The following LRP4 variants were observed in gnomAD, a reference collection of about 807,000 sequenced individuals.
LRP4 encodes low-density lipoprotein receptor-related protein 4.
Under a neutral mutation model 220.3 loss-of-function variants are expected in LRP4, and 95 were observed. The ratio of observed to expected loss-of-function variants is 0.43; its 90% CI spans 0.37 to 0.51. The LOEUF is 0.51. Ranked by LOEUF, LRP4 falls within the 20% of genes least tolerant of loss-of-function variation. LRP4 has a pLI of 0.00. For synonymous variants in LRP4, 903 were observed against 954.6 expected (o/e 0.95, Z 1.00); for missense variants, 1,925 against 2,567.0 (o/e 0.75, Z 5.40).
rs774700154 is a variant in LRP4, at chr11:46,899,011, G to C, written c.569C>G (p.Pro190Arg). The C allele has an allele frequency of 1.2e-6, 2 of 1,613,168 alleles. No individual in the cohort carries two copies. The highest frequency in any genetic ancestry group is 1.7e-6 in the Non-Finnish European group (2 of 1,179,726). Reference sequence around the variant, plus strand: ...ACACTGGAACTCCTCCAGGTTGCAGGGGGGCGCTGGCACTGCTGAGGCTGG... The same window carrying C: ...ACACTGGAACTCCTCCAGGTTGCAGCGGGGCGCTGGCACTGCTGAGGCTGG... Reference protein sequence around the residue: ...ENCPSAVPAPPCNLEEFQCAY... With the variant: ...ENCPSAVPAPRCNLEEFQCAY... Residue 190 changes from proline (P) to arginine (R), a missense_variant, in exon 6 of 38, where the codon CCC (proline) becomes CGC (arginine). Pro to Arg is a moderately radical substitution (Grantham distance 103). This residue lies in a region of LRP4 where 412 missense variants were observed against 505.4 expected (regional missense o/e 0.82). Transcript: ENST00000378623. This position sits in a 1 kb window ranked among gnomAD's most constrained non-coding sequence, Gnocchi z 5.9.
chr11:46,894,947 G>A, intron 11 of LRP4, 128 bp from the exon 12 acceptor site: 4 of 1,029,804 alleles, frequency 3.9e-6, no homozygotes, highest in Middle Eastern at 2.6e-4. Flanking sequence ...GTCAGCATCA[G>A]TACCAGAAGA....
In LRP4 at chr11:46,899,056, AG is replaced by A. The variant is rs1399581460; in HGVS notation, c.548-25del. On this transcript the variant is annotated intron_variant, in intron 5 of 37. Coordinates refer to ENST00000378623, the MANE Select transcript of LRP4 (RefSeq NM_002334.4). The surrounding 1 kb of genome is among the most constrained non-coding windows in gnomAD (Gnocchi z 5.9). Reference sequence around the variant, plus strand: ...GGCTGGAGGGAAGGCAGGGGTGGGGAGGGGCACACACTCAGGCCTGGATGAA... The same window carrying A: ...GGCTGGAGGGAAGGCAGGGGTGGGGAGGGCACACACTCAGGCCTGGATGAA... 1.2e-6 allele frequency: 2 copies of A among 1,605,286 alleles called. No homozygotes were observed. The highest frequency in any genetic ancestry group is 4.5e-5 in the East Asian group (2 of 44,778).
At chr11:46,907,859 A>G (rs1412403524) in intron 1 of LRP4, among the ~76,000 whole-genome samples, 1 of 152,228 alleles carries the variant, frequency 6.6e-6, no homozygotes, top group Non-Finnish European at 1.5e-5. Flanking sequence ...TCTAACTCAA[A>G]GGGCTTTGTA....
In LRP4 at chr11:46,875,703, G is replaced by A. The variant is rs767046815; in HGVS notation, c.3700-22C>T. The A allele has an allele frequency of 1.2e-5, 19 of 1,611,920 alleles. No homozygotes were observed. Among genetic ancestry groups the A allele is most frequent in the South Asian group, 5.5e-5 (5 of 90,994 alleles). The stretch of plus-strand genomic sequence containing the variant: ...TTCGCTGCAGAGGAAGGAGAGGGTG[G>A]GGGGTGGTGATCAGCAGATTGGGAA... On this transcript the variant is annotated intron_variant, in intron 26 of 37. Coordinates refer to ENST00000378623, the MANE Select transcript of LRP4 (RefSeq NM_002334.4). This position sits in a 1 kb window ranked among gnomAD's most constrained non-coding sequence, Gnocchi z 4.5.
intron 20 of LRP4, among the ~76,000 whole-genome samples, chr11:46,880,079 T>C (rs965425254): frequency 6.6e-6 from 1 of 152,192 alleles, no homozygotes; most frequent in Non-Finnish European, 1.5e-5. Flanking sequence ...CACGCCAGTC[T>C]GGGCGACAGA....
chr11:46,896,474 C>G, intron 8 of LRP4, 139 bp from the exon 9 acceptor site: 1 of 1,030,742 alleles, frequency 9.7e-7, no homozygotes. Context: ...GGAAGCAGCT[C>G]AGACAGGGCT....
intron 18 of LRP4, 79 bp downstream of exon 18, chr11:46,886,012 G>T: frequency 8.4e-7 from 1 of 1,187,454 alleles, no homozygotes; most frequent in Non-Finnish European, 1.3e-6. Context: ...GAGACACTGG[G>T]CTCCTTCTAT....
In LRP4 at chr11:46,874,980, G is replaced by A. The variant is rs1940969151; in HGVS notation, c.4049C>T (p.Pro1350Leu). 2 of 1,614,190 alleles carry A rather than the reference G, an allele frequency of 1.2e-6. No individual in the cohort carries two copies. The highest frequency in any genetic ancestry group is 4.5e-5 in the East Asian group (2 of 44,882). ...QLKGDGKTCDPSPETYLLFSS... is the reference protein window; with the variant it reads ...QLKGDGKTCDLSPETYLLFSS... ...GAAGAGCAGGTAGGTCTCAGGAGAG[G>A]GATCACAGGTCTTCCCATCTCCCTT... The change falls in exon 28 of 38, where the codon CCC becomes CTC. Residue 1350 changes from proline (P) to leucine (L), a missense_variant. Pro to Leu is a moderately conservative substitution (Grantham distance 98). Transcript: ENST00000378623.
rs1165125352 is a variant in LRP4 at position 46,897,881 on chromosome 11, C to T, written c.796+677G>A. Among the ~76,000 whole-genome samples the T allele has an allele frequency of 5.3e-5, 8 of 152,352 alleles. No individual in the cohort carries two copies. The South Asian group carries it at 6.2e-4, about 12-fold the overall frequency. ...GTCATCATGGCCCGTTCTCAATGAG[C>T]TGTTGGGTACACCTCCCAGACGGGG... On this transcript the variant is annotated intron_variant, in intron 7 of 37. Transcript: ENST00000378623.
chr11:46,905,265 TCAG>T (rs1941740990), intron 1 of LRP4, among the ~76,000 whole-genome samples: 1 of 152,128 alleles, frequency 6.6e-6, no homozygotes, highest in Admixed American at 6.5e-5. Flanking sequence ...CTGAGGAACT[TCAG>T]TAGTATGACA....
chr11:46,897,493 T>C (rs1383833501), intron 7 of LRP4, among the ~76,000 whole-genome samples: 2 of 150,722 alleles, frequency 1.3e-5, no homozygotes, highest in East Asian at 1.9e-4. Context: ...CAAAGGTCTC[T>C]GGTTTTCCTA....
intron 20 of LRP4, among the ~76,000 whole-genome samples, chr11:46,879,938 C>T (rs756865081): frequency 2.6e-5 from 4 of 152,138 alleles, no homozygotes; most frequent in Non-Finnish European, 5.9e-5. Context: ...AACCCTGTCT[C>T]TACTAAAAAT....
rs181229341 is a variant in LRP4 at position 46,915,716 on chromosome 11, G to A, written c.52+2612C>T. Among the ~76,000 whole-genome samples, 429 of 152,236 alleles carry A rather than the reference G, an allele frequency of 2.8e-3. 2 individuals carry two copies. Among genetic ancestry groups the A allele is most frequent in the African/African-American group, 9.8e-3 (406 of 41,552 alleles). ...GTGCCACTGTGCCTGGCTAATTTTTGTATTTTTAGTAGAGATGGGGTTTTG... is the reference window on the plus strand; with the variant it reads ...GTGCCACTGTGCCTGGCTAATTTTTATATTTTTAGTAGAGATGGGGTTTTG... On this transcript the variant is annotated intron_variant, in intron 1 of 37. Coordinates refer to ENST00000378623, the MANE Select transcript of LRP4 (RefSeq NM_002334.4).
intron 36 of LRP4, among the ~76,000 whole-genome samples, chr11:46,864,086 T>C (rs1940631015): frequency 6.6e-6 from 1 of 152,196 alleles, no homozygotes; most frequent in Non-Finnish European, 1.5e-5. Context: ...GGAAAATCAT[T>C]TCCAATTTCA....
At chr11:46,889,097 T>C (rs761896745) in intron 16 of LRP4, among the ~76,000 whole-genome samples, 8 of 152,176 alleles carry the variant, frequency 5.3e-5, no homozygotes, top group Non-Finnish European at 8.8e-5. Flanking sequence ...CATTCCCCTG[T>C]TTTCTAGAAG....
intron 18 of LRP4, among the ~76,000 whole-genome samples, chr11:46,885,772 CAAAAAAAAAAA>C (rs34867767): frequency 1.7e-5 from 1 of 57,210 alleles, no homozygotes; most frequent in Non-Finnish European, 4.1e-5. Flanking sequence ...GACTCCGCCT[CAAAAAAAAAAA>C]AAAAAAAAGG....
intron 1 of LRP4, among the ~76,000 whole-genome samples, chr11:46,914,866 C>T (rs1341729539): frequency 6.6e-6 from 1 of 151,966 alleles, no homozygotes; most frequent in Non-Finnish European, 1.5e-5. Context: ...AAAGGGGCAG[C>T]AACATAAACA....
Position 46,895,924 on chromosome 11 carries a change from G to A in LRP4, c.1143C>T (p.His381=), listed in dbSNP as rs1255666700. The change falls in exon 10 of 38, where the codon CAC becomes CAT. Residue 381 remains histidine, a synonymous_variant. Coordinates refer to ENST00000378623, the MANE Select transcript of LRP4 (RefSeq NM_002334.4). The part of the protein sequence containing the change: ...MVRGAVQCTC[H]TGYRLTEDGH... ...CATCCTCTGTGAGCCGGTAGCCTGT[G>A]TGGCAGGTACACTGCACTGCCCCCC... 6.2e-7 allele frequency: 1 copy of A among 1,613,892 alleles called. No homozygotes were observed. The highest frequency in any genetic ancestry group is 1.1e-5 in the South Asian group (1 of 91,088).
Position 46,918,524 on chromosome 11 carries a change from G to C in LRP4, c.-145C>G. ...CGCAAGTCGCCCTCGGGCCGCCGCC[G>C]CCTCCAGTGCTGCCAGAGCCGACGC... On this transcript the variant is annotated 5_prime_UTR_variant, in exon 1 of 38. Coordinates refer to ENST00000378623, the MANE Select transcript of LRP4 (RefSeq NM_002334.4). The surrounding 1 kb of genome is among the most constrained non-coding windows in gnomAD (Gnocchi z 6.0). 1 of 374,998 alleles carries C rather than the reference G, an allele frequency of 2.7e-6. No homozygotes were observed. The highest frequency in any genetic ancestry group is 4.0e-6 in the Non-Finnish European group (1 of 250,484). 23.2% of individuals were successfully genotyped at this position (374,998 alleles called of 1,614,324 possible).
Sources: allele counts gnomAD v4.1 joint callset (sites outside exome capture counted in the v4.1 genomes callset), GRCh38; gene constraint gnomAD v4.1.1; regional missense constraint gnomAD v4.1.1; non-coding constraint Gnocchi (gnomAD v3.1); transcripts MANE v1.5; gene names NCBI Gene and HGNC (gene_info 2026-07-23, HGNC 2026-07-21).